IMMP2L: variants seen among roughly 807,000 people sequenced by gnomAD.
The protein encoded by IMMP2L is inner mitochondrial membrane peptidase subunit 2.
IMMP2L carries 18 observed loss-of-function variants against 19.3 expected under a neutral mutation model. The ratio of observed to expected loss-of-function variants is 0.93; its 90% CI spans 0.64 to 1.38. The LOEUF (loss-of-function observed/expected upper bound fraction) is 1.38. Ranked by LOEUF, IMMP2L falls within the 40% of genes most tolerant of loss-of-function variation. The pLI is 0.00. For synonymous variants in IMMP2L, 76 were observed against 73.0 expected, an observed-to-expected ratio of 1.04 and a Z score of -0.21; for missense variants, 233 against 218.2, an observed-to-expected ratio of 1.07 and a Z score of -0.43.
intron 2 of IMMP2L, among the ~76,000 whole-genome samples, chr7:111,505,165 AT>A (rs1217844842): frequency 7.6e-4 from 115 of 152,114 alleles, no homozygotes; most frequent in Admixed American, 4.1e-3. Context: ...TGGGCAAAGG[AT>A]ATGAACAGAC....
chr7:111,510,273 C>T (rs1450955948), intron 2 of IMMP2L, among the ~76,000 whole-genome samples: 1 of 152,118 alleles, frequency 6.6e-6, no homozygotes, highest in Non-Finnish European at 1.5e-5. Context: ...AGTGGACTGA[C>T]TCCACACAAT....
At chr7:111,141,571 C>T (rs906058346) in intron 3 of IMMP2L, among the ~76,000 whole-genome samples, 1 of 151,976 alleles carries the variant, frequency 6.6e-6, no homozygotes, top group Non-Finnish European at 1.5e-5. Flanking sequence ...TATAAATCTG[C>T]AAACATCTCT....
intron 3 of IMMP2L, among the ~76,000 whole-genome samples, chr7:111,098,804 C>T (rs868867132): frequency 2.0e-5 from 3 of 151,682 alleles, no homozygotes; most frequent in African/African-American, 7.3e-5. Context: ...GGTTAGTTAG[C>T]TCGAAAGAAC....
intron 3 of IMMP2L, among the ~76,000 whole-genome samples, chr7:111,092,437 C>T (rs1029563188): frequency 2.0e-5 from 3 of 152,180 alleles, no homozygotes; most frequent in African/African-American, 7.2e-5. Flanking sequence ...CCTTGTTTCT[C>T]TGCCTCTAAT....
rs560409721 is a variant in IMMP2L, at chr7:110,963,456, T to C, written c.305+44A>G. 9 of 1,350,208 alleles carry C rather than the reference T, an allele frequency of 6.7e-6. No homozygotes were observed. The South Asian group carries it at 7.4e-5, about 11-fold the overall frequency. The allele number at this position is 1,350,208 out of a possible 1,614,324, so 83.6% of individuals were successfully genotyped here. A position where few individuals can be genotyped will look rare whatever the true frequency, so the allele number is the denominator to read the frequency against. The stretch of plus-strand genomic sequence containing the variant: ...CCAAGTAATGTAGGTAACAGAACTC[T>C]AGATATTTAAAACTTGAACTCAGAA... On this transcript the variant is annotated intron_variant, in intron 4 of 5. Transcript: ENST00000405709.
At chr7:111,437,522 G>A (rs971260705) in intron 3 of IMMP2L, among the ~76,000 whole-genome samples, 2 of 151,902 alleles carry the variant, frequency 1.3e-5, no homozygotes, top group African/African-American at 4.9e-5. Context: ...AACTGTGTCA[G>A]ACTATCTTTA....
intron 3 of IMMP2L, among the ~76,000 whole-genome samples, chr7:111,255,881 T>C (rs1200715443): frequency 6.6e-6 from 1 of 152,056 alleles, no homozygotes; most frequent in Non-Finnish European, 1.5e-5. Context: ...TCTAACCAGA[T>C]AATAACTCCC....
intron 5 of IMMP2L, among the ~76,000 whole-genome samples, chr7:110,766,531 C>T (rs986182507): frequency 6.9e-6 from 1 of 144,130 alleles, no homozygotes; most frequent in Non-Finnish European, 1.5e-5. Context: ...GGCCGTAAGC[C>T]GAGATCGTAC....
Position 110,980,592 on chromosome 7 carries a change from T to A in IMMP2L, c.240-17027A>T, listed in dbSNP as rs6957038. 1.9e-3 allele frequency among the ~76,000 whole-genome samples: 296 copies of A among 152,284 alleles called. 2 individuals carry two copies. Among genetic ancestry groups the A allele is most frequent in the African/African-American group, 6.3e-3 (262 of 41,552 alleles). On this transcript the variant is annotated intron_variant, in intron 3 of 5. Transcript: ENST00000405709. ...AGACATGAAACTGTCTTGTACATGA[T>A]GTGGATTCAGTGAGTTTTTACATGA...
intron 5 of IMMP2L, among the ~76,000 whole-genome samples, chr7:110,811,242 A>G (rs1240244637): frequency 6.6e-6 from 1 of 152,070 alleles, no homozygotes; most frequent in Non-Finnish European, 1.5e-5. Flanking sequence ...TTTTTATAAC[A>G]CTGTAAAATA....
intron 3 of IMMP2L, among the ~76,000 whole-genome samples, chr7:111,003,858 T>C (rs574797955): frequency 1.3e-5 from 2 of 152,322 alleles, no homozygotes; most frequent in East Asian, 1.9e-4. Flanking sequence ...CTCCACCCCA[T>C]TGAATGTATA....
chr7:111,477,124 C>T (rs1429885530), intron 3 of IMMP2L, among the ~76,000 whole-genome samples: 3 of 152,090 alleles, frequency 2.0e-5, no homozygotes, highest in East Asian at 1.9e-4. Context: ...CTACAGATCA[C>T]GTTGTTCAAA....
chr7:110,674,557 G>T (rs144168895), intron 5 of IMMP2L, among the ~76,000 whole-genome samples: 1 of 152,288 alleles, frequency 6.6e-6, no homozygotes, highest in African/African-American at 2.4e-5. Flanking sequence ...CGTAAGAAGA[G>T]AGAGAAATTT....
At chr7:110,732,282 G>A (rs541976445) in intron 5 of IMMP2L, among the ~76,000 whole-genome samples, 1 of 152,156 alleles carries the variant, frequency 6.6e-6, no homozygotes, top group South Asian at 2.1e-4. Flanking sequence ...TATATGTCAA[G>A]CATATTCATT....
At chr7:111,281,808 C>G (rs926465168) in intron 3 of IMMP2L, among the ~76,000 whole-genome samples, 2 of 152,066 alleles carry the variant, frequency 1.3e-5, no homozygotes, top group Non-Finnish European at 2.9e-5. Flanking sequence ...AGAGACAGAT[C>G]AGTCAGAGCA....
intron 3 of IMMP2L, among the ~76,000 whole-genome samples, chr7:111,029,941 G>A (rs951611504): frequency 1.3e-5 from 2 of 152,106 alleles, no homozygotes; most frequent in Non-Finnish European, 2.9e-5. Flanking sequence ...TGTGAAAAGG[G>A]AACAAAAAGG....
intron 3 of IMMP2L, among the ~76,000 whole-genome samples, chr7:111,446,375 GCCT>G (rs1161498147): frequency 1.4e-5 from 2 of 146,222 alleles, no homozygotes; most frequent in East Asian, 1.9e-4. Flanking sequence ...CAGGCAGACT[GCCT>G]CCTCAAGTGG....
intron 3 of IMMP2L, among the ~76,000 whole-genome samples, chr7:111,291,177 A>G (rs755092344): frequency 9.2e-5 from 14 of 152,184 alleles, no homozygotes; most frequent in South Asian, 2.1e-4. Context: ...CACAGATAGT[A>G]TCTTGCAATT....
intron 5 of IMMP2L, among the ~76,000 whole-genome samples, chr7:110,713,778 G>T (rs938553148): frequency 6.6e-6 from 1 of 151,800 alleles, no homozygotes. Context: ...CTGATTTTTG[G>T]ACATTGATTT....
Sources: gnomAD v4.1 joint callset for allele counts (sites outside exome capture counted in the v4.1 genomes callset) on GRCh38, gnomAD v4.1.1 for gene constraint, MANE v1.5 for transcripts, NCBI Gene and HGNC (gene_info 2026-07-23, HGNC 2026-07-21) for gene names.